CHSY3: variants seen among roughly 807,000 people sequenced by gnomAD.
CHSY3 encodes N-acetylgalactosaminyl-proteoglycan 3-beta-glucuronosyltransferase 3.
A neutral mutation model predicts 67.2 loss-of-function variants in CHSY3; 35 were observed. That is an observed-to-expected ratio of 0.52 (90% CI 0.40 to 0.69). CHSY3 has a LOEUF of 0.69. Ranked by LOEUF, CHSY3 falls within the 30% of genes least tolerant of loss-of-function variation. The pLI is 0.00. For synonymous variants in CHSY3, 474 were observed against 434.7 expected, an observed-to-expected ratio of 1.09 and a Z score of -1.12; for missense variants, 1,069 against 1,138.5, an observed-to-expected ratio of 0.94 and a Z score of 0.88.
intron 2 of CHSY3, among the ~76,000 whole-genome samples, chr5:129,958,179 T>A (rs1223645797): frequency 2.0e-5 from 3 of 152,190 alleles, no homozygotes; most frequent in Non-Finnish European, 4.4e-5. Context: ...AGTTTGTGTG[T>A]TTGACTTTTC....
chr5:129,981,382 C>T (rs1474344957), intron 2 of CHSY3, among the ~76,000 whole-genome samples: 1 of 152,024 alleles, frequency 6.6e-6, no homozygotes, highest in African/African-American at 2.4e-5. Context: ...TTATATTCTG[C>T]AACCTTGCTA....
At chr5:130,178,040 G>T in intron 2 of CHSY3, among the ~76,000 whole-genome samples, 1 of 150,138 alleles carries the variant, frequency 6.7e-6, no homozygotes, top group Non-Finnish European at 1.5e-5. Context: ...TAATTTTGGT[G>T]CATTTTATAT....
At chr5:130,008,193 C>T (rs1763933095) in intron 2 of CHSY3, among the ~76,000 whole-genome samples, 1 of 152,166 alleles carries the variant, frequency 6.6e-6, no homozygotes, top group Non-Finnish European at 1.5e-5. Flanking sequence ...CAACTGCCAC[C>T]ACTCTGACAA....
Position 130,008,205 on chromosome 5 carries a change from G to A in CHSY3, c.1086+99845G>A, listed in dbSNP as rs367593166. On this transcript the variant is annotated intron_variant, in intron 2 of 2. Coordinates refer to ENST00000305031, the MANE Select transcript of CHSY3 (RefSeq NM_175856.5). ...ACTCAACTGCCACCACTCTGACAAA[G>A]CACTGTTGCTGCCCACCCCCCATAC... Among the ~76,000 whole-genome samples the A allele has an allele frequency of 2.6e-5, 4 of 152,248 alleles. 1 individual carries two copies. Among genetic ancestry groups the A allele is most frequent in the African/African-American group, 9.6e-5 (4 of 41,536 alleles).
At chr5:130,038,010 ATAT>A (rs1185854935) in intron 2 of CHSY3, among the ~76,000 whole-genome samples, 5 of 152,120 alleles carry the variant, frequency 3.3e-5, no homozygotes, top group African/African-American at 4.8e-5. Flanking sequence ...AGTGAGATAA[ATAT>A]TATTAACCTG....
chr5:129,904,059 C>G (rs1760127329), upstream of CHSY3, among the ~76,000 whole-genome samples: 1 of 152,046 alleles, frequency 6.6e-6, no homozygotes, highest in South Asian at 2.1e-4. Flanking sequence ...GACCCGAGCT[C>G]CGCCGATGAG....
chr5:130,095,110 A>G (rs1767002080), intron 2 of CHSY3, among the ~76,000 whole-genome samples: 1 of 152,164 alleles, frequency 6.6e-6, no homozygotes, highest in Non-Finnish European at 1.5e-5. Context: ...GTATACATAT[A>G]CACACATAGA....
At position 129,930,511 on chromosome 5, in the gene CHSY3, G is replaced by A. The variant is rs367580204; in HGVS notation, c.1086+22151G>A. ...GTTTAAAAGGAGGCATCACTGGCGG[G>A]GGGGGGGTATGAAGTTTTGCCTGGA... On this transcript the variant is annotated intron_variant, in intron 2 of 2. Coordinates refer to ENST00000305031, the MANE Select transcript of CHSY3 (RefSeq NM_175856.5). Among the ~76,000 whole-genome samples, 1,032 of 148,028 alleles carry A rather than the reference G, an allele frequency of 7.0e-3. 18 individuals carry two copies. The highest frequency in any genetic ancestry group is 0.024 in the African/African-American group (981 of 40,246).
intron 2 of CHSY3, among the ~76,000 whole-genome samples, chr5:129,920,802 C>A (rs1354603418): frequency 3.3e-5 from 5 of 151,654 alleles, no homozygotes; most frequent in African/African-American, 1.2e-4. Context: ...ACCTTAGCAA[C>A]CCCACCATAA....
At chr5:130,073,380 C>T (rs149743048) in intron 2 of CHSY3, among the ~76,000 whole-genome samples, 1,868 of 151,882 alleles carry the variant, frequency 0.012, 34 homozygotes, top group African/African-American at 0.043. Flanking sequence ...CTCTGCCTCC[C>T]GGGTTCAAGC....
intron 2 of CHSY3, among the ~76,000 whole-genome samples, chr5:130,161,215 G>C (rs541273194): frequency 1.3e-4 from 20 of 152,164 alleles, no homozygotes; most frequent in Non-Finnish European, 2.4e-4. Flanking sequence ...ATAGGTAATT[G>C]TTTTAATAGC....
At chr5:130,066,288 G>T (rs922168376) in intron 2 of CHSY3, among the ~76,000 whole-genome samples, 2 of 151,988 alleles carry the variant, frequency 1.3e-5, no homozygotes, top group African/African-American at 4.8e-5. Context: ...ACACTCTGGG[G>T]ATAATATTTT....
At position 129,904,563 on chromosome 5, in the gene CHSY3, C is replaced by T; in HGVS notation, c.-267C>T. ...CCAGCTGCCGCTGCTGCCGCCGCTGCCGCCACCGCCGCCGCCGGGAGAAGT... is the reference window on the plus strand; with the variant it reads ...CCAGCTGCCGCTGCTGCCGCCGCTGTCGCCACCGCCGCCGCCGGGAGAAGT... On this transcript the variant is annotated 5_prime_UTR_variant, in exon 1 of 3. Transcript: ENST00000305031. 5.0e-6 allele frequency: 2 copies of T among 399,952 alleles called. No homozygotes were observed. Among genetic ancestry groups the T allele is most frequent in the Non-Finnish European group, 4.0e-6 (1 of 248,192 alleles). 24.8% of individuals were successfully genotyped at this position (399,952 alleles called of 1,614,324 possible). A position where few individuals can be genotyped will look rare whatever the true frequency, so the allele number is the denominator to read the frequency against.
intron 2 of CHSY3, among the ~76,000 whole-genome samples, chr5:129,910,615 G>A (rs1223483210): frequency 6.6e-6 from 1 of 151,906 alleles, no homozygotes; most frequent in Non-Finnish European, 1.5e-5. Flanking sequence ...TATACAAAGA[G>A]ATTATATCTA....
intron 2 of CHSY3, among the ~76,000 whole-genome samples, chr5:129,962,142 T>G (rs938406885): frequency 6.6e-6 from 1 of 152,050 alleles, no homozygotes; most frequent in African/African-American, 2.4e-5. Flanking sequence ...CGGTACCAAC[T>G]ATTGCATCTC....
At chr5:130,134,151 T>C (rs1205510107) in intron 2 of CHSY3, among the ~76,000 whole-genome samples, 1 of 152,212 alleles carries the variant, frequency 6.6e-6, no homozygotes, top group East Asian at 1.9e-4. Flanking sequence ...AGTTTGTAAA[T>C]GGCAGATTTG....
At chr5:129,920,966 G>A (rs1052238581) in intron 2 of CHSY3, among the ~76,000 whole-genome samples, 1 of 152,154 alleles carries the variant, frequency 6.6e-6, no homozygotes, top group African/African-American at 2.4e-5. Flanking sequence ...CTGCAGGCAT[G>A]CACCGCCATG....
intron 2 of CHSY3, among the ~76,000 whole-genome samples, chr5:130,065,232 T>C (rs1160776709): frequency 6.6e-6 from 1 of 152,124 alleles, no homozygotes; most frequent in Non-Finnish European, 1.5e-5. Context: ...CACTTTAAAA[T>C]AAGAAGAACA....
At chr5:130,031,826 A>T (rs1764710964) in intron 2 of CHSY3, among the ~76,000 whole-genome samples, 1 of 152,178 alleles carries the variant, frequency 6.6e-6, no homozygotes, top group Non-Finnish European at 1.5e-5. Flanking sequence ...TTGGGTAAAT[A>T]TGTAAAAATC....
Sources: allele counts gnomAD v4.1 joint callset (sites outside exome capture counted in the v4.1 genomes callset), GRCh38; gene constraint gnomAD v4.1.1; transcripts MANE v1.5; gene names NCBI Gene and HGNC (gene_info 2026-07-23, HGNC 2026-07-21).